The following AKNA variants were observed in gnomAD, a reference collection of about 807,000 sequenced individuals.
AKNA encodes the protein microtubule organization protein AKNA.
Under a neutral mutation model 138.8 loss-of-function variants are expected in AKNA, and 67 were observed. The observed-to-expected ratio is 0.48, with a 90% CI of 0.40 to 0.59. AKNA has a LOEUF of 0.59. Among genes scored for constraint, AKNA ranks in the 20% least tolerant of loss-of-function variants. The probability of loss-of-function intolerance (pLI) is 0.00; values close to 1 mark genes in which losing one functional copy is unlikely to be tolerated. For missense variants in AKNA, 1,813 were observed against 1,880.4 expected (o/e 0.96, Z 0.66); for synonymous variants, 737 against 754.4 (o/e 0.98, Z 0.38).
At chr9:114,332,628 G>C (rs1829876117), downstream of AKNA, among the ~76,000 whole-genome samples, 1 of 152,028 alleles carries the variant, frequency 6.6e-6, no homozygotes. Context: ...CCAGCCCCAG[G>C]ATCCTGGGAC....
Position 114,341,892 on chromosome 9 carries a change from G to A in AKNA, c.3874+117C>T, listed in dbSNP as rs776588734. The A allele has an allele frequency of 3.5e-4, 461 of 1,317,800 alleles. 1 individual carries two copies. Among genetic ancestry groups the A allele is most frequent in the Non-Finnish European group, 4.5e-4 (412 of 921,890 alleles). The allele number at this position is 1,317,800 out of a possible 1,614,324, so 81.6% of individuals were successfully genotyped here. ...TTTGGGGAACAAATCCTCTGCCCCA[G>A]TTGCTCTGTCCCAGACTGGAACAAC... On this transcript the variant is annotated intron_variant, in intron 20 of 21. Transcript: ENST00000374088.
downstream of AKNA, among the ~76,000 whole-genome samples, chr9:114,331,231 C>T (rs563107222): frequency 1.3e-3 from 203 of 152,164 alleles, 2 homozygotes; most frequent in African/African-American, 4.2e-3. Context: ...CCCCCATCAC[C>T]GCAGAGGTGG....
At chr9:114,350,784 A>G in intron 15 of AKNA, 75 bp downstream of exon 15, 1 of 1,471,806 alleles carries the variant, frequency 6.8e-7, no homozygotes, top group Non-Finnish European at 9.0e-7. Flanking sequence ...CTCCACCTCC[A>G]CCTGCTAACA....
chr9:114,339,728 C>T (rs1830215409), intron 21 of AKNA, among the ~76,000 whole-genome samples: 1 of 152,226 alleles, frequency 6.6e-6, no homozygotes, highest in Non-Finnish European at 1.5e-5. Flanking sequence ...GAGCATGCAG[C>T]ATTGGTTCTC....
intron 13 of AKNA, 132 bp downstream of exon 13, chr9:114,356,731 G>A: frequency 2.5e-6 from 2 of 790,204 alleles, no homozygotes; most frequent in Non-Finnish European, 3.9e-6. Context: ...AGAAATCACG[G>A]TTAGGGGATG....
intron 3 of AKNA, among the ~76,000 whole-genome samples, chr9:114,375,123 G>C (rs2132037240): frequency 6.6e-6 from 1 of 152,266 alleles, no homozygotes; most frequent in East Asian, 1.9e-4. Flanking sequence ...GGAGCTCATG[G>C]TCTGGAAGGG....
intron 18 of AKNA, chr9:114,344,855 C>G (rs1236110889): frequency 6.5e-6 from 1 of 154,984 alleles, no homozygotes; most frequent in Non-Finnish European, 1.5e-5. Flanking sequence ...ACTGTCGTTT[C>G]TAACTCCTTG....
chr9:114,389,304 AC>A (rs1190112798), upstream of AKNA, among the ~76,000 whole-genome samples: 1 of 152,122 alleles, frequency 6.6e-6, no homozygotes, highest in Admixed American at 6.5e-5. Flanking sequence ...CCCACCCAGG[AC>A]CCAGAGACTC....
At chr9:114,366,578 A>G (rs1832375647) in intron 6 of AKNA, among the ~76,000 whole-genome samples, 1 of 152,136 alleles carries the variant, frequency 6.6e-6, no homozygotes, top group Non-Finnish European at 1.5e-5. Flanking sequence ...AACTGCAAAT[A>G]TACTAAAAAC....
At chr9:114,345,823 C>T (rs1830640951) in intron 18 of AKNA, 40 bp downstream of exon 18, 5 of 1,600,532 alleles carry the variant, frequency 3.1e-6, no homozygotes, top group Middle Eastern at 1.7e-4. Context: ...CCCGCTGACA[C>T]CAGGAGCTGC....
chr9:114,348,521 C>T (rs540867802), intron 15 of AKNA, among the ~76,000 whole-genome samples: 2 of 152,326 alleles, frequency 1.3e-5, no homozygotes, highest in African/African-American at 4.8e-5. Context: ...GGAGACACCT[C>T]GATGCTTCCT....
intron 2 of AKNA, 97 bp downstream of exon 2, chr9:114,380,963 T>C (rs1480229569): frequency 1.1e-5 from 15 of 1,315,258 alleles, no homozygotes; most frequent in Non-Finnish European, 1.4e-5. Flanking sequence ...AGCCTGGCAA[T>C]GAAGCAAGAC....
Position 114,359,932 on chromosome 9 carries a change from AGCTCCTTGT to A in AKNA, c.2246_2254del (p.His749_Glu751del). 4 of 1,614,212 alleles carry A rather than the reference AGCTCCTTGT, an allele frequency of 2.5e-6. No individual in the cohort carries two copies. The highest frequency in any genetic ancestry group is 3.4e-6 in the Non-Finnish European group (4 of 1,180,036). On this transcript the variant is annotated inframe_deletion, in exon 10 of 22. Coordinates refer to ENST00000374088, the MANE Select transcript of AKNA (RefSeq NM_001317950.2). ...GCCATGGTAAACTTGCTCCATCTGCAGCTCCTTGTGCCTGAGTCGGGCCAGGGGGTCCTG... is the reference window on the plus strand; with the variant it reads ...GCCATGGTAAACTTGCTCCATCTGCAGCCTGAGTCGGGCCAGGGGGTCCTG...
intron 7 of AKNA, 137 bp from the exon 8 acceptor site, chr9:114,362,670 G>A: frequency 8.1e-7 from 1 of 1,228,126 alleles, no homozygotes; most frequent in African/African-American, 1.6e-5. Flanking sequence ...GATACAGGCT[G>A]AGGTTGAGAT....
rs996974177 is a variant in AKNA, at chr9:114,369,494, CT to C, written c.1417-900del. ...TGCCAACTCTGGCTTAGCATGTGGG[CT>C]CTGCAGCTAGAGCCCAGGTTCCTGT... On this transcript the variant is annotated intron_variant, in intron 4 of 21. Coordinates refer to ENST00000374088, the MANE Select transcript of AKNA (RefSeq NM_001317950.2). Among the ~76,000 whole-genome samples, 156 of 152,298 alleles carry C rather than the reference CT, an allele frequency of 1.0e-3. 1 individual carries two copies. The highest frequency in any genetic ancestry group is 3.6e-3 in the African/African-American group (148 of 41,544).
intron 4 of AKNA, among the ~76,000 whole-genome samples, chr9:114,371,586 G>C (rs1236804879): frequency 6.6e-6 from 1 of 152,224 alleles, no homozygotes; most frequent in Non-Finnish European, 1.5e-5. Flanking sequence ...CCAGCTGTGG[G>C]ATGTTGAGCA....
intron 2 of AKNA, among the ~76,000 whole-genome samples, chr9:114,378,374 T>A (rs1358236926): frequency 6.6e-6 from 1 of 152,238 alleles, no homozygotes; most frequent in Admixed American, 6.5e-5. Flanking sequence ...TGGCTCCCTC[T>A]ACTTTGTAAC....
intron 2 of AKNA, 196 bp from the exon 3 acceptor site, chr9:114,377,728 A>T (rs1026495099): frequency 6.8e-5 from 42 of 613,724 alleles, no homozygotes; most frequent in Non-Finnish European, 1.1e-4. Flanking sequence ...TTCAAACTCA[A>T]ACTCAAACCC....
chr9:114,398,415 C>G (rs1834605150), upstream of AKNA: 1 of 152,232 alleles, frequency 6.6e-6, no homozygotes, highest in Non-Finnish European at 1.5e-5. The surrounding 1 kb of genome is among the most constrained non-coding windows in gnomAD (Gnocchi z 4.2). Context: ...CCCGGACGCC[C>G]CGCGAGCCCC....
Sources: gnomAD v4.1 joint callset for allele counts (sites outside exome capture counted in the v4.1 genomes callset) on GRCh38, gnomAD v4.1.1 for gene constraint, Gnocchi (gnomAD v3.1) non-coding constraint, MANE v1.5 for transcripts, NCBI Gene and HGNC (gene_info 2026-07-23, HGNC 2026-07-21) for gene names.